The following GRM5 variants were observed in gnomAD, a reference collection of about 807,000 sequenced individuals.
The protein encoded by GRM5 is metabotropic glutamate receptor 5.
A neutral mutation model predicts 83.1 loss-of-function variants in GRM5; 19 were observed. The ratio of observed to expected loss-of-function variants is 0.23; its 90% CI spans 0.16 to 0.34. GRM5 has a LOEUF of 0.34. GRM5 is among the 10% of genes least tolerant of loss of function. The probability of loss-of-function intolerance (pLI) is 1.00; values close to 1 mark genes in which losing one functional copy is unlikely to be tolerated. For synonymous variants in GRM5, 675 were observed against 633.6 expected (o/e 1.07, Z -0.98); for missense variants, 1,160 against 1,588.3 (o/e 0.73, Z 4.58).
intron 2 of GRM5, among the ~76,000 whole-genome samples, chr11:88,921,626 T>TC (rs1945694930): frequency 1.1e-5 from 1 of 94,488 alleles, no homozygotes. Flanking sequence ...TGAGACTCCA[T>TC]TTAAAAAAAA....
At chr11:88,973,552 A>T (rs532289497) in intron 2 of GRM5, among the ~76,000 whole-genome samples, 1,930 of 152,224 alleles carry the variant, frequency 0.013, 44 homozygotes, top group African/African-American at 0.044. Context: ...AGAAACATTG[A>T]TAACCAACAT....
chr11:89,060,305 C>CAT (rs1565356275), intron 1 of GRM5, among the ~76,000 whole-genome samples: 1 of 149,792 alleles, frequency 6.7e-6, no homozygotes, highest in East Asian at 2.0e-4. Flanking sequence ...CACACACACA[C>CAT]ATATATATGA....
chr11:88,990,257 T>A (rs1939917420), intron 2 of GRM5, among the ~76,000 whole-genome samples: 1 of 151,958 alleles, frequency 6.6e-6, no homozygotes, highest in Non-Finnish European at 1.5e-5. Context: ...AACTCGAAAA[T>A]CTAGAAGAAA....
intron 2 of GRM5, among the ~76,000 whole-genome samples, chr11:89,044,396 A>G (rs1474641024): frequency 3.3e-5 from 5 of 152,310 alleles, no homozygotes; most frequent in Non-Finnish European, 5.9e-5. Flanking sequence ...TACTAAAGCC[A>G]TAAATCACAG....
intron 3 of GRM5, among the ~76,000 whole-genome samples, chr11:88,654,577 C>G (rs931879673): frequency 1.3e-5 from 2 of 151,960 alleles, no homozygotes; most frequent in African/African-American, 4.8e-5. Context: ...AGGGGAAGAA[C>G]AGACTAGAGC....
At chr11:88,809,741 G>C (rs1386019421) in intron 3 of GRM5, among the ~76,000 whole-genome samples, 1 of 149,790 alleles carries the variant, frequency 6.7e-6, no homozygotes, top group African/African-American at 2.5e-5. Flanking sequence ...AAGATGAACT[G>C]AGACCAGGTA....
intron 2 of GRM5, among the ~76,000 whole-genome samples, chr11:88,991,908 C>T (rs1028379005): frequency 1.6e-4 from 25 of 152,202 alleles, no homozygotes; most frequent in African/African-American, 5.3e-4. Flanking sequence ...ACCATAAAAA[C>T]CCTAGAAGAA....
At chr11:88,700,996 A>G (rs961243548) in intron 3 of GRM5, among the ~76,000 whole-genome samples, 6 of 152,036 alleles carry the variant, frequency 3.9e-5, no homozygotes, top group Non-Finnish European at 7.4e-5. Context: ...CTTAACCATC[A>G]CTCCAAGTGT....
At chr11:88,883,156 T>A (rs1367848273) in intron 2 of GRM5, among the ~76,000 whole-genome samples, 1 of 152,214 alleles carries the variant, frequency 6.6e-6, no homozygotes. Context: ...GAGGTACTTC[T>A]GTAAAGATAC....
rs536670440 is a variant in GRM5 at position 88,724,812 on chromosome 11, A to T, written c.912-71409T>A. Among the ~76,000 whole-genome samples, 12 of 151,940 alleles carry T rather than the reference A, an allele frequency of 7.9e-5. No individual in the cohort carries two copies. In the South Asian group the frequency reaches 1.5e-3, roughly 18 times the overall value. On this transcript the variant is annotated intron_variant, in intron 3 of 9. Coordinates refer to ENST00000305447, the MANE Select transcript of GRM5 (RefSeq NM_001143831.3). ...TCCGGGAAGTACAAGGGGTTGGGGA[A>T]CTCCTTCCCCTAGCCAAGGGAGGCT... is the stretch of plus-strand genomic sequence containing the variant.
chr11:89,018,657 G>A (rs1230188375), intron 2 of GRM5, among the ~76,000 whole-genome samples: 1 of 152,110 alleles, frequency 6.6e-6, no homozygotes, highest in African/African-American at 2.4e-5. Context: ...AATGCAATAA[G>A]GACTAGAGAG....
chr11:88,668,592 C>A (rs1179521952), intron 3 of GRM5, among the ~76,000 whole-genome samples: 1 of 151,912 alleles, frequency 6.6e-6, no homozygotes, highest in South Asian at 2.1e-4. Context: ...TATAGAAATG[C>A]CAATACTCAT....
chr11:88,848,563 G>GTGTTAATA (rs945920234), intron 3 of GRM5, among the ~76,000 whole-genome samples: 18 of 152,128 alleles, frequency 1.2e-4, no homozygotes, highest in Non-Finnish European at 2.5e-4. Flanking sequence ...CACTGGCTAC[G>GTGTTAATA]TGTTAATAAA....
At chr11:88,940,754 A>C (rs1477070129) in intron 2 of GRM5, among the ~76,000 whole-genome samples, 1 of 151,994 alleles carries the variant, frequency 6.6e-6, no homozygotes, top group Non-Finnish European at 1.5e-5. Flanking sequence ...AGTCTTGGTG[A>C]TGCAATTCTG....
intron 2 of GRM5, among the ~76,000 whole-genome samples, chr11:88,860,120 T>C (rs1350990862): frequency 6.6e-6 from 1 of 152,184 alleles, no homozygotes; most frequent in Non-Finnish European, 1.5e-5. Context: ...TTTGGAATAT[T>C]CCAAGCTTTT....
At chr11:89,011,598 A>C (rs1940701766) in intron 2 of GRM5, among the ~76,000 whole-genome samples, 2 of 152,172 alleles carry the variant, frequency 1.3e-5, no homozygotes, top group Admixed American at 1.3e-4. Context: ...GTGGCATCTC[A>C]ACACTGATTA....
At chr11:88,648,368 T>C (rs1292299678) in intron 4 of GRM5, among the ~76,000 whole-genome samples, 2 of 144,878 alleles carry the variant, frequency 1.4e-5, no homozygotes, top group East Asian at 2.0e-4. Flanking sequence ...ATGGATGAAA[T>C]TGGAAATCAT....
At chr11:88,896,711 C>T (rs549602261) in intron 2 of GRM5, among the ~76,000 whole-genome samples, 1 of 151,910 alleles carries the variant, frequency 6.6e-6, no homozygotes, top group African/African-American at 2.4e-5. Context: ...GTGAATCCTC[C>T]CTTCCTATCT....
At chr11:88,957,957 GAA>G (rs1482054523) in intron 2 of GRM5, among the ~76,000 whole-genome samples, 6 of 151,960 alleles carry the variant, frequency 3.9e-5, no homozygotes, top group Non-Finnish European at 8.8e-5. Flanking sequence ...TCAAATTGTA[GAA>G]TCTTTTTAAG....
Sources: gnomAD v4.1 joint callset for allele counts (sites outside exome capture counted in the v4.1 genomes callset) on GRCh38, gnomAD v4.1.1 for gene constraint, MANE v1.5 for transcripts, NCBI Gene and HGNC (gene_info 2026-07-23, HGNC 2026-07-21) for gene names.